Variants in ADGRG2 observed in about 807,000 individuals in gnomAD.
The protein encoded by ADGRG2 is adhesion G protein-coupled receptor G2.
ADGRG2 carries 26 observed loss-of-function variants against 74.1 expected under a neutral mutation model. That is an observed-to-expected ratio of 0.35 (90% CI 0.26 to 0.49). The LOEUF is 0.49. Among genes scored for constraint, ADGRG2 ranks in the 20% least tolerant of loss-of-function variants. ADGRG2 has a pLI of 0.99. For synonymous variants in ADGRG2, 296 were observed against 295.2 expected, an observed-to-expected ratio of 1.00 and a Z score of -0.03; for missense variants, 619 against 763.1, an observed-to-expected ratio of 0.81 and a Z score of 2.22.
chrX:19,115,211 T>C (rs1034866931), intron 1 of ADGRG2, among the ~76,000 whole-genome samples: 27 of 111,163 alleles, frequency 2.4e-4, no homozygotes, highest in Non-Finnish European at 5.7e-5. Flanking sequence ...TGTCAGATTT[T>C]ATCTATATTC....
Position 19,092,922 on chromosome X carries a change from A to G in ADGRG2, c.-46-10176T>C, listed in dbSNP as rs190731669. On this transcript the variant is annotated intron_variant, in intron 1 of 28. Coordinates refer to ENST00000379869, the MANE Select transcript of ADGRG2 (RefSeq NM_001079858.3). ...AAAGAAAGGCAGGATCAAGGAGAAT[A>G]TAAATTACAGAAGGAGATCAGGACC... Among the ~76,000 whole-genome samples the G allele has an allele frequency of 1.5e-3, 166 of 112,190 alleles. 4 individuals are homozygous for G. The Admixed American group carries it at 0.015, about 10-fold the overall frequency.
intron 1 of ADGRG2, among the ~76,000 whole-genome samples, chrX:19,087,767 G>A (rs551876872): frequency 6.3e-5 from 7 of 111,864 alleles, no homozygotes; most frequent in Admixed American, 1.9e-4. Context: ...TCTTGCAGCC[G>A]TTGCTACCAT....
intron 8 of ADGRG2, 32 bp from the exon 9 acceptor site, chrX:19,031,069 C>G: frequency 1.9e-6 from 2 of 1,027,169 alleles, no homozygotes. Context: ...GCTGGTTAAG[C>G]ATGTCAATGC....
intron 28 of ADGRG2, among the ~76,000 whole-genome samples, chrX:18,991,286 T>G (rs1465766099): frequency 1.8e-5 from 2 of 111,753 alleles, no homozygotes; most frequent in African/African-American, 3.3e-5. Flanking sequence ...GTTTTTTTTT[T>G]GTTTGGTTTT....
intron 1 of ADGRG2, among the ~76,000 whole-genome samples, chrX:19,109,773 A>G (rs957658723): frequency 8.9e-6 from 1 of 112,035 alleles, no homozygotes; most frequent in Non-Finnish European, 1.9e-5. Context: ...AAACATGTCG[A>G]TTTTGTGGAA....
rs975299308 is a variant in ADGRG2, at chrX:19,120,080, C to T, written c.-47+2362G>A. ...GTGTTTTTCAGTAGCTAAATATGCT[C>T]TATCCCCCTTTTAATGAAAGTCACC... On this transcript the variant is annotated intron_variant, in intron 1 of 28. Coordinates refer to ENST00000379869, the MANE Select transcript of ADGRG2 (RefSeq NM_001079858.3). 3.6e-5 allele frequency among the ~76,000 whole-genome samples: 4 copies of T among 111,774 alleles called. No individual in the cohort carries two copies. The South Asian group carries it at 1.5e-3, about 42-fold the overall frequency.
chrX:19,009,456 G>A (rs1240487870), intron 18 of ADGRG2, among the ~76,000 whole-genome samples, 170 bp downstream of exon 18: 1 of 111,765 alleles, frequency 8.9e-6, no homozygotes, highest in African/African-American at 3.3e-5. Flanking sequence ...GGGATTACAG[G>A]TGTGAGCCAT....
chrX:19,101,990 G>C (rs765934740), intron 1 of ADGRG2, among the ~76,000 whole-genome samples: 18 of 111,020 alleles, frequency 1.6e-4, no homozygotes, highest in African/African-American at 5.9e-4. Context: ...ACAAGCAGCT[G>C]TTCCCAGCAA....
At chrX:19,065,171 G>C (rs2061545590) in intron 3 of ADGRG2, among the ~76,000 whole-genome samples, 1 of 103,515 alleles carries the variant, frequency 9.7e-6, no homozygotes, top group African/African-American at 3.6e-5. Context: ...TCCAGAGACT[G>C]AGGTGGAAGG....
At chrX:19,053,627 G>GT (rs2061362913) in intron 3 of ADGRG2, among the ~76,000 whole-genome samples, 1 of 112,099 alleles carries the variant, frequency 8.9e-6, no homozygotes, top group African/African-American at 3.2e-5. Context: ...GAAGATAAGT[G>GT]TAACAGGACA....
rs779256210 is a variant in ADGRG2, at chrX:19,007,353, G to A, written c.1571C>T (p.Pro524Leu). The A allele has an allele frequency of 2.8e-5, 34 of 1,205,313 alleles. No individual in the cohort carries two copies. The highest frequency in any genetic ancestry group is 3.8e-5 in the Non-Finnish European group (34 of 890,875). ...FFETPALFQD[P>L]SLENLSLISY... Reference sequence around the variant, plus strand: ...GATCAGAGAGAGGTTCTCCAGGGAAGGATCCTGGCACATCAAGATGGCAAG... The same window carrying A: ...GATCAGAGAGAGGTTCTCCAGGGAAAGATCCTGGCACATCAAGATGGCAAG... Residue 524 changes from proline (P) to leucine (L), a missense_variant, in exon 20 of 29, where the codon CCT becomes CTT. By Grantham distance (98) the Pro-to-Leu change is moderately conservative. This residue lies in a region of ADGRG2 where 221 missense variants were observed against 340.6 expected (regional missense o/e 0.65). Coordinates refer to ENST00000379869, the MANE Select transcript of ADGRG2 (RefSeq NM_001079858.3).
intron 23 of ADGRG2, among the ~76,000 whole-genome samples, chrX:19,003,327 T>G (rs2060167823): frequency 9.1e-6 from 1 of 110,276 alleles, no homozygotes; most frequent in Non-Finnish European, 1.9e-5. Context: ...ACCACACCCT[T>G]ATTTTTTTTG....
rs901125738 is a variant in ADGRG2 at position 19,052,404 on chromosome X, G to A, written c.119-12180C>T. ...CACAAAGTCATCGGCACAAAAAGAT[G>A]GTGGCCAAGCTACAGTCCTGCATGG... is the stretch of plus-strand genomic sequence containing the variant. On this transcript the variant is annotated intron_variant, in intron 3 of 28. Transcript: ENST00000379869. Among the ~76,000 whole-genome samples the A allele has an allele frequency of 3.6e-5, 4 of 111,220 alleles. No homozygotes were observed. In the Admixed American group the frequency reaches 3.8e-4, roughly 11 times the overall value.
intron 2 of ADGRG2, among the ~76,000 whole-genome samples, chrX:19,080,192 G>C (rs1347783606): frequency 3.7e-5 from 4 of 109,462 alleles, no homozygotes; most frequent in African/African-American, 6.7e-5. Context: ...TTCTAGACGT[G>C]AGCCACCGCG....
At chrX:19,106,725 C>G (rs1285265412) in intron 1 of ADGRG2, among the ~76,000 whole-genome samples, 1 of 110,707 alleles carries the variant, frequency 9.0e-6, no homozygotes, top group African/African-American at 3.3e-5. Flanking sequence ...TCGAGACCAG[C>G]CTGGGCAACA....
At chrX:19,052,622 A>G (rs192339751) in intron 3 of ADGRG2, among the ~76,000 whole-genome samples, 144 of 109,082 alleles carry the variant, frequency 1.3e-3, no homozygotes, top group African/African-American at 4.6e-3. Flanking sequence ...TTTTATGTCT[A>G]TATATAAACA....
chrX:19,021,930 G>A, intron 13 of ADGRG2, among the ~76,000 whole-genome samples: 1 of 108,881 alleles, frequency 9.2e-6, no homozygotes, highest in Middle Eastern at 4.7e-3. Flanking sequence ...TTACAAGTGT[G>A]AGCCACTGCA....
intron 3 of ADGRG2, among the ~76,000 whole-genome samples, chrX:19,061,586 A>G (rs1184733406): frequency 9.0e-6 from 1 of 111,714 alleles, no homozygotes; most frequent in African/African-American, 3.3e-5. Flanking sequence ...ACCAAAACAC[A>G]CCAAAAATTC....
intron 3 of ADGRG2, among the ~76,000 whole-genome samples, chrX:19,057,977 T>C (rs2061431135): frequency 8.9e-6 from 1 of 112,068 alleles, no homozygotes; most frequent in Non-Finnish European, 1.9e-5. Flanking sequence ...ATGAGAACAA[T>C]CTTACTTAAA....
Sources: allele counts gnomAD v4.1 joint callset (sites outside exome capture counted in the v4.1 genomes callset), GRCh38; gene constraint gnomAD v4.1.1; regional missense constraint gnomAD v4.1.1; transcripts MANE v1.5; gene names NCBI Gene and HGNC (gene_info 2026-07-23, HGNC 2026-07-21).